TRA2B: variants seen among roughly 807,000 people sequenced by gnomAD.
The protein encoded by TRA2B is transformer-2 protein homolog beta.
Under a neutral mutation model 41.7 loss-of-function variants are expected in TRA2B, and 14 were observed. The ratio of observed to expected loss-of-function variants is 0.34; its 90% CI spans 0.22 to 0.53. The LOEUF is 0.53. Ranked by LOEUF, TRA2B falls within the 20% of genes least tolerant of loss-of-function variation. The pLI, the probability that TRA2B is intolerant of heterozygous loss-of-function variation, is 0.95. For synonymous variants in TRA2B, 130 were observed against 128.8 expected (o/e 1.01, Z -0.06); for missense variants, 167 against 396.8 (o/e 0.42, Z 4.92).
chr3:185,936,801 T>C, intron 1 of TRA2B: 1 of 985,380 alleles, frequency 1.0e-6, no homozygotes, highest in Non-Finnish European at 1.2e-6. Flanking sequence ...TTCGCATCAT[T>C]CAATGCTTTC....
intron 3 of TRA2B, 77 bp from the exon 4 acceptor site, chr3:185,924,061 T>C: frequency 3.1e-6 from 4 of 1,306,052 alleles, no homozygotes; most frequent in South Asian, 1.5e-5. Context: ...AGCTGTATAC[T>C]AGCCAAAATG....
intron 1 of TRA2B, among the ~76,000 whole-genome samples, chr3:185,933,824 ACAGT>A (rs1055672464): frequency 1.3e-5 from 2 of 152,068 alleles, no homozygotes; most frequent in African/African-American, 2.4e-5. Flanking sequence ...CATTCATAAA[ACAGT>A]CAGTACTCCC....
intron 5 of TRA2B, 28 bp downstream of exon 5, chr3:185,921,983 A>G: frequency 6.4e-7 from 1 of 1,554,876 alleles, no homozygotes; most frequent in Non-Finnish European, 8.8e-7. Flanking sequence ...AAAACTGCCA[A>G]TTATATTTAT....
intron 1 of TRA2B, chr3:185,927,017 T>C (rs775221911): frequency 1.1e-5 from 4 of 351,304 alleles, no homozygotes; most frequent in South Asian, 1.1e-4. Context: ...TTAAGGGAAC[T>C]GTCCAAGGAC....
In TRA2B at chr3:185,915,140, C is replaced by T. The variant is rs1014600764; in HGVS notation, c.*2575G>A. ...TGACAGGCGGCGGAGCTCAGGCAAT[C>T]CATGGCCAGGAGATCGGAAACCCCT... is the stretch of plus-strand genomic sequence containing the variant. On this transcript the variant is annotated 3_prime_UTR_variant, in exon 9 of 9. Coordinates refer to ENST00000453386, the MANE Select transcript of TRA2B (RefSeq NM_004593.3). Among the ~76,000 whole-genome samples, 2 of 151,984 alleles carry T rather than the reference C, an allele frequency of 1.3e-5. No individual in the cohort carries two copies. Among genetic ancestry groups the T allele is most frequent in the African/African-American group, 4.8e-5 (2 of 41,404 alleles).
intron 1 of TRA2B, among the ~76,000 whole-genome samples, chr3:185,932,778 G>T (rs988720465): frequency 6.6e-6 from 1 of 151,948 alleles, no homozygotes; most frequent in African/African-American, 2.4e-5. Flanking sequence ...AGTTTTTCTT[G>T]TTATCCTACA....
chr3:185,932,765 G>A (rs1459710568), intron 1 of TRA2B, among the ~76,000 whole-genome samples: 1 of 152,044 alleles, frequency 6.6e-6, no homozygotes, highest in African/African-American at 2.4e-5. Flanking sequence ...CATAAAACAT[G>A]CTAGTTTTTC....
At chr3:185,936,573 A>G in intron 1 of TRA2B, 1 of 985,332 alleles carries the variant, frequency 1.0e-6, no homozygotes, top group African/African-American at 1.7e-5. Context: ...ATAAAATCTT[A>G]ATCAAAAGTT....
At chr3:185,935,159 C>T (rs16860342) in intron 1 of TRA2B, 400,308 of 985,070 alleles carry the variant, frequency 0.41, 82,654 homozygotes, top group Non-Finnish European at 0.42. Flanking sequence ...GCCAGGAGTG[C>T]CTCTTTTTAC....
chr3:185,921,039 A>G (rs1743714411), intron 6 of TRA2B, 65 bp downstream of exon 6: 1 of 1,380,702 alleles, frequency 7.2e-7, no homozygotes, highest in East Asian at 2.3e-5. Flanking sequence ...CTAAAACTTA[A>G]GCATAGTGCT....
rs1638357603 is a variant in TRA2B at position 185,917,649 on chromosome 3, CAAT to C, written c.*63_*65del. 6.4e-7 allele frequency: 1 copy of C among 1,573,552 alleles called. No homozygotes were observed. The highest frequency in any genetic ancestry group is 1.1e-5 in the South Asian group (1 of 88,740). On this transcript the variant is annotated 3_prime_UTR_variant, in exon 9 of 9. Coordinates refer to ENST00000453386, the MANE Select transcript of TRA2B (RefSeq NM_004593.3). ...CACTGTTCACTTTTTAAACAAGAGA[CAAT>C]AAAAAATATTGCCCACAAACAATAT...
chr3:185,920,195 C>G (rs1040239359), intron 6 of TRA2B, among the ~76,000 whole-genome samples: 5 of 152,190 alleles, frequency 3.3e-5, no homozygotes, highest in African/African-American at 1.2e-4. Context: ...ATTCTCTGGA[C>G]TCTTTCAAGG....
rs1743549341 is a variant in TRA2B, at chr3:185,917,617, C to T, written c.*98G>A. ...AAAAGGTGTAAAAGTCACCTAACTTCACTAGGCACTGTTCACTTTTTAAAC... is the reference window on the plus strand; with the variant it reads ...AAAAGGTGTAAAAGTCACCTAACTTTACTAGGCACTGTTCACTTTTTAAAC... On this transcript the variant is annotated 3_prime_UTR_variant, in exon 9 of 9. Coordinates refer to ENST00000453386, the MANE Select transcript of TRA2B (RefSeq NM_004593.3). 2.2e-6 allele frequency: 3 copies of T among 1,352,404 alleles called. No individual in the cohort carries two copies. In the East Asian group the frequency reaches 6.9e-5, roughly 31 times the overall value. The allele number at this position is 1,352,404 out of a possible 1,614,324, so 83.8% of individuals were successfully genotyped here.
At chr3:185,921,930 G>T in intron 5 of TRA2B, 81 bp downstream of exon 5, 1 of 999,166 alleles carries the variant, frequency 1.0e-6, no homozygotes, top group Non-Finnish European at 1.5e-6. Context: ...AAACCTAAGT[G>T]CTGAAGACTT....
intron 1 of TRA2B, among the ~76,000 whole-genome samples, chr3:185,930,970 CAG>C (rs1416747722): frequency 6.6e-6 from 1 of 152,150 alleles, no homozygotes; most frequent in African/African-American, 2.4e-5. Context: ...TAAACAGAAA[CAG>C]AATTTGAAAA....
chr3:185,936,712 A>G (rs2150120648), intron 1 of TRA2B: 1 of 983,106 alleles, frequency 1.0e-6, no homozygotes, highest in South Asian at 4.7e-5. Context: ...TTATTCCCAC[A>G]GCCTCAAAAA....
intron 1 of TRA2B, 101 bp downstream of exon 1, chr3:185,937,724 A>G: frequency 6.5e-7 from 1 of 1,530,774 alleles, no homozygotes; most frequent in Non-Finnish European, 9.0e-7. Context: ...CAGACTTCGG[A>G]GCCTAAAACG....
chr3:185,923,014 TCA>T (rs917163091), intron 4 of TRA2B: 9 of 152,218 alleles, frequency 5.9e-5, no homozygotes, highest in Admixed American at 3.9e-4. Flanking sequence ...GCATGGTGGC[TCA>T]CACCTGTAAT....
At chr3:185,923,640 T>C in intron 4 of TRA2B, 156 bp downstream of exon 4, 1 of 591,946 alleles carries the variant, frequency 1.7e-6, no homozygotes, top group South Asian at 4.0e-5. Context: ...TACAAAATTT[T>C]GTTATTCTGC....
Sources: gnomAD v4.1 joint callset for allele counts (sites outside exome capture counted in the v4.1 genomes callset) on GRCh38, gnomAD v4.1.1 for gene constraint, MANE v1.5 for transcripts, NCBI Gene and HGNC (gene_info 2026-07-23, HGNC 2026-07-21) for gene names.